SLC28A3: variants seen among roughly 807,000 people sequenced by gnomAD.
SLC28A3 encodes the protein solute carrier family 28 member 3.
Under a neutral mutation model 84.2 loss-of-function variants are expected in SLC28A3, and 68 were observed. The ratio of observed to expected loss-of-function variants is 0.81; its 90% CI spans 0.66 to 0.99. The LOEUF (loss-of-function observed/expected upper bound fraction) is 0.99, where lower values mean the gene tolerates loss of function less well. SLC28A3 is among the 50% of genes least tolerant of loss of function. The pLI, the probability that SLC28A3 is intolerant of heterozygous loss-of-function variation, is 0.00. For synonymous variants in SLC28A3, 267 were observed against 303.6 expected, an observed-to-expected ratio of 0.88 and a Z score of 1.25; for missense variants, 712 against 841.5, an observed-to-expected ratio of 0.85 and a Z score of 1.90.
intron 1 of SLC28A3, among the ~76,000 whole-genome samples, chr9:84,317,886 C>A (rs1826228087): frequency 6.6e-6 from 1 of 152,156 alleles, no homozygotes; most frequent in South Asian, 2.1e-4. Flanking sequence ...TTAGACTTAT[C>A]AAAATCAACA....
At chr9:84,314,805 G>A (rs1826109823) in intron 1 of SLC28A3, among the ~76,000 whole-genome samples, 1 of 152,244 alleles carries the variant, frequency 6.6e-6, no homozygotes, top group African/African-American at 2.4e-5. Flanking sequence ...TGGGCTGGGT[G>A]TGGTGGCTGA....
intron 3 of SLC28A3, among the ~76,000 whole-genome samples, chr9:84,307,446 C>CAAAAAAAAA (rs1340546348): frequency 1.1e-3 from 92 of 82,088 alleles, no homozygotes; most frequent in African/African-American, 4.7e-3. Flanking sequence ...AAAAAAAAAA[C>CAAAAAAAAA]AAAAACAAAA....
intron 15 of SLC28A3, among the ~76,000 whole-genome samples, chr9:84,280,373 C>CA (rs1020027981): frequency 1.3e-5 from 2 of 152,166 alleles, no homozygotes; most frequent in African/African-American, 4.8e-5. Flanking sequence ...CATGGCAAGG[C>CA]AAAAGAGTGG....
intron 3 of SLC28A3, among the ~76,000 whole-genome samples, chr9:84,306,641 G>C (rs1179393189): frequency 2.6e-5 from 4 of 152,186 alleles, no homozygotes; most frequent in African/African-American, 9.6e-5. Context: ...GACCACACAA[G>C]AGAACTTCTC....
chr9:84,365,994 G>T, the SLC28A3 span, among the ~76,000 whole-genome samples: 1 of 152,294 alleles, frequency 6.6e-6, no homozygotes, highest in African/African-American at 2.4e-5. Flanking sequence ...AGGTTGTGGT[G>T]AGCCAAGATC....
the SLC28A3 span, among the ~76,000 whole-genome samples, chr9:84,358,115 C>T: frequency 2.3e-4 from 35 of 152,176 alleles, no homozygotes; most frequent in Non-Finnish European, 5.0e-4. Context: ...CAGCAATTAT[C>T]TACTTTCTGT....
chr9:84,362,999 T>G, the SLC28A3 span, among the ~76,000 whole-genome samples: 6 of 152,220 alleles, frequency 3.9e-5, no homozygotes, highest in African/African-American at 1.4e-4. Flanking sequence ...TAATGTAATA[T>G]GAACATGTTC....
chr9:84,308,510 C>A lies in SLC28A3; in HGVS notation c.242+1119G>T, dbSNP rs542275869. Among the ~76,000 whole-genome samples, 10 of 151,994 alleles carry A rather than the reference C, an allele frequency of 6.6e-5. No individual in the cohort carries two copies. The South Asian group carries it at 2.1e-3, about 32-fold the overall frequency. On this transcript the variant is annotated intron_variant, in intron 3 of 17. Transcript: ENST00000376238. ...TCAGTGAGCTGAGATTGTGCCACTGCACTCCAGCCTGGGCAACAGAGCAAG... is the reference window on the plus strand; with the variant it reads ...TCAGTGAGCTGAGATTGTGCCACTGAACTCCAGCCTGGGCAACAGAGCAAG...
At chr9:84,328,484 T>C (rs1433475060) in intron 1 of SLC28A3, among the ~76,000 whole-genome samples, 2 of 151,448 alleles carry the variant, frequency 1.3e-5, no homozygotes, top group Admixed American at 6.6e-5. Flanking sequence ...TTAGGCAGGG[T>C]GTGGTGGCTC....
intron 1 of SLC28A3, among the ~76,000 whole-genome samples, chr9:84,328,347 C>T (rs1242031761): frequency 1.4e-5 from 2 of 145,108 alleles, no homozygotes; most frequent in Admixed American, 1.4e-4. Context: ...AAAAAAAAAA[C>T]ATGATCTGGC....
chr9:84,332,070 C>T (rs894836162), intron 1 of SLC28A3, among the ~76,000 whole-genome samples: 2 of 152,170 alleles, frequency 1.3e-5, no homozygotes, highest in African/African-American at 4.8e-5. Context: ...TCCTACCTTA[C>T]ACTATACATT....
chr9:84,332,846 T>G (rs1826840123), intron 1 of SLC28A3, among the ~76,000 whole-genome samples: 1 of 152,214 alleles, frequency 6.6e-6, no homozygotes, highest in Non-Finnish European at 1.5e-5. Context: ...TCCCAATGTT[T>G]CCTAAATGGG....
intron 1 of SLC28A3, among the ~76,000 whole-genome samples, chr9:84,328,918 A>G (rs1158285274): frequency 6.6e-6 from 1 of 152,084 alleles, no homozygotes; most frequent in Non-Finnish European, 1.5e-5. Context: ...ACAGAATGAG[A>G]CCCTATCTCC....
chr9:84,292,752 A>T lies in SLC28A3; in HGVS notation c.943-4T>A. 1 of 1,546,486 alleles carries T rather than the reference A, an allele frequency of 6.5e-7. No homozygotes were observed. The highest frequency in any genetic ancestry group is 1.2e-5 in the South Asian group (1 of 80,346). On this transcript the variant is annotated splice_region_variant and splice_polypyrimidine_tract_variant and intron_variant, in intron 9 of 17. Transcript: ENST00000376238. ...TAACTAGCATGATCCATCCAACCTA[A>T]AAGGAAGAAAGGGACAAAGTCAGCA...
At chr9:84,325,108 CCT>C (rs1384383166) in intron 1 of SLC28A3, among the ~76,000 whole-genome samples, 1 of 152,114 alleles carries the variant, frequency 6.6e-6, no homozygotes, top group East Asian at 1.9e-4. Flanking sequence ...AATGAGGATC[CCT>C]GAGGTAAATC....
the SLC28A3 span, among the ~76,000 whole-genome samples, chr9:84,353,372 C>T: frequency 6.6e-6 from 1 of 152,110 alleles, no homozygotes; most frequent in Non-Finnish European, 1.5e-5. Context: ...AACTTGGGAA[C>T]AGGGAAATAA....
At chr9:84,311,845 A>G (rs1825999047) in intron 2 of SLC28A3, among the ~76,000 whole-genome samples, 1 of 152,174 alleles carries the variant, frequency 6.6e-6, no homozygotes, top group South Asian at 2.1e-4. Context: ...ACAGAGCGAG[A>G]TTCCATCTCA....
intron 1 of SLC28A3, among the ~76,000 whole-genome samples, chr9:84,317,302 A>G (rs1051880978): frequency 6.6e-6 from 1 of 152,212 alleles, no homozygotes; most frequent in African/African-American, 2.4e-5. Flanking sequence ...AACTCCAGAT[A>G]TTAAAAGACA....
chr9:84,299,794 A>T (rs1825556907), intron 5 of SLC28A3, 69 bp from the exon 6 acceptor site: 7 of 1,244,096 alleles, frequency 5.6e-6, no homozygotes, highest in East Asian at 2.7e-5. Context: ...ATCAGGCTTA[A>T]TTTTTTTTTT....
Sources: gnomAD v4.1 joint callset for allele counts (sites outside exome capture counted in the v4.1 genomes callset) on GRCh38, gnomAD v4.1.1 for gene constraint, MANE v1.5 for transcripts, NCBI Gene and HGNC (gene_info 2026-07-23, HGNC 2026-07-21) for gene names.